PAXIP1: variants seen among roughly 807,000 people sequenced by gnomAD.
PAXIP1 encodes the protein PAX interacting protein 1, also known as PAX-interacting protein 1.
PAXIP1 carries 19 observed loss-of-function variants against 140.6 expected under a neutral mutation model. The observed-to-expected ratio is 0.14, with a 90% CI of 0.09 to 0.20. PAXIP1 has a LOEUF of 0.20. PAXIP1 is among the 10% of genes least tolerant of loss of function. The pLI is 1.00. For synonymous variants in PAXIP1, 442 were observed against 444.6 expected, an observed-to-expected ratio of 0.99 and a Z score of 0.07; for missense variants, 920 against 1,208.6, an observed-to-expected ratio of 0.76 and a Z score of 3.54.
chr7:154,996,704 T>C (rs1259300304), intron 2 of PAXIP1, among the ~76,000 whole-genome samples: 7 of 152,208 alleles, frequency 4.6e-5, no homozygotes, highest in Non-Finnish European at 7.3e-5. Context: ...TTGAAATATA[T>C]ATTTATTATT....
chr7:154,954,192 G>A lies in PAXIP1; in HGVS notation c.2821+63C>T. 9.1e-7 allele frequency: 1 copy of A among 1,100,282 alleles called. No homozygotes were observed. Among genetic ancestry groups the A allele is most frequent in the Non-Finnish European group, 1.2e-6 (1 of 812,536 alleles). 68.2% of individuals were successfully genotyped at this position (1,100,282 alleles called of 1,614,324 possible). ...AATATTTGTTGGGATGAAAAGAGAT[G>A]AATTCAAGAAAAAAAAAAGTTTATT... On this transcript the variant is annotated intron_variant, in intron 16 of 20. Transcript: ENST00000404141. The surrounding 1 kb of genome is among the most constrained non-coding windows in gnomAD (Gnocchi z 5.1).
rs1289113840 is a variant in PAXIP1 at position 154,986,537 on chromosome 7, G to A, written c.325-3205C>T. The stretch of plus-strand genomic sequence containing the variant: ...CAAAGGAAGTACCCATCAAGGATTT[G>A]TTGGACCAAAGTCCCTTAGCTGCAC... On this transcript the variant is annotated intron_variant, in intron 4 of 20. Transcript: ENST00000404141. The surrounding 1 kb of genome is among the most constrained non-coding windows in gnomAD (Gnocchi z 4.8). Among the ~76,000 whole-genome samples the A allele has an allele frequency of 1.3e-5, 2 of 152,168 alleles. No individual in the cohort carries two copies. Among genetic ancestry groups the A allele is most frequent in the Non-Finnish European group, 2.9e-5 (2 of 68,024 alleles).
In PAXIP1 at chr7:154,968,954, A is replaced by G; in HGVS notation, c.1247T>C (p.Val416Ala). 2 of 1,509,232 alleles carry G rather than the reference A, an allele frequency of 1.3e-6. No homozygotes were observed. Among genetic ancestry groups the G allele is most frequent in the African/African-American group, 2.9e-5 (2 of 68,924 alleles). 93.5% of individuals were successfully genotyped at this position (1,509,232 alleles called of 1,614,324 possible). A position where few individuals can be genotyped will look rare whatever the true frequency, so the allele number is the denominator to read the frequency against. ...TATCTGCTGGGGCTGAAGGTGTAAA[A>G]CCGGGTGCTGCTGCTGCTGCTGCTG... ...QAQQQQQQHP[V>A]LHLQPQQIMQ... Residue 416 changes from valine to alanine, a missense_variant, in exon 7 of 21, where the codon GTT becomes GCT. By Grantham distance (64) the Val-to-Ala change is moderately conservative. Coordinates refer to ENST00000404141, the MANE Select transcript of PAXIP1 (RefSeq NM_007349.4).
chr7:154,955,848 G>T (rs1292610300), intron 14 of PAXIP1, among the ~76,000 whole-genome samples: 1 of 152,104 alleles, frequency 6.6e-6, no homozygotes, highest in East Asian at 1.9e-4. Context: ...AGCCTCCAAG[G>T]GAGGCATCCA....
intron 4 of PAXIP1, among the ~76,000 whole-genome samples, chr7:154,990,270 A>G (rs1451495354): frequency 6.6e-6 from 1 of 151,992 alleles, no homozygotes; most frequent in East Asian, 1.9e-4. Flanking sequence ...CAAACCCCTG[A>G]CCTCAGGTGA....
intron 1 of PAXIP1, chr7:155,000,418 A>C (rs774391484): frequency 6.6e-6 from 1 of 152,058 alleles, no homozygotes; most frequent in Non-Finnish European, 1.5e-5. Context: ...TCCCTTCTTC[A>C]TGAGTTTCCC....
chr7:154,980,289 G>A (rs1398515086), intron 5 of PAXIP1, among the ~76,000 whole-genome samples: 5 of 151,374 alleles, frequency 3.3e-5, no homozygotes, highest in Non-Finnish European at 5.9e-5. Flanking sequence ...TGTCACTAAT[G>A]GCAATGATCA....
intron 5 of PAXIP1, among the ~76,000 whole-genome samples, chr7:154,981,541 TAGATA>T (rs1809843802): frequency 6.6e-6 from 1 of 152,214 alleles, no homozygotes; most frequent in Admixed American, 6.5e-5. Context: ...ACCATTGACT[TAGATA>T]AGATAATCTC....
At position 154,963,824 on chromosome 7, in the gene PAXIP1, C is replaced by A; in HGVS notation, c.1894-58G>T. On this transcript the variant is annotated intron_variant, in intron 8 of 20. Coordinates refer to ENST00000404141, the MANE Select transcript of PAXIP1 (RefSeq NM_007349.4). This position sits in a 1 kb window ranked among gnomAD's most constrained non-coding sequence, Gnocchi z 4.1. ...AATCACTCAGAATAGAGGAGAATTC[C>A]AATTTCAAATAAGGCAGCTATTAAA... 2 of 1,164,974 alleles carry A rather than the reference C, an allele frequency of 1.7e-6. No individual in the cohort carries two copies. The highest frequency in any genetic ancestry group is 2.5e-6 in the Non-Finnish European group (2 of 785,140). 72.2% of individuals were successfully genotyped at this position (1,164,974 alleles called of 1,614,324 possible).
chr7:154,977,752 T>C (rs73728524), intron 5 of PAXIP1, among the ~76,000 whole-genome samples: 4,294 of 151,994 alleles, frequency 0.028, 205 homozygotes, highest in African/African-American at 0.097. Flanking sequence ...TAAATATATA[T>C]GTACATATAT....
At chr7:154,957,424 T>G (rs1808564188) in intron 13 of PAXIP1, 130 bp from the exon 14 acceptor site, 2 of 496,204 alleles carry the variant, frequency 4.0e-6, no homozygotes, top group Non-Finnish European at 7.0e-6. Flanking sequence ...CTTCACCACA[T>G]CAGAACTAGT....
chr7:154,969,496 A>T (rs1809198356), intron 6 of PAXIP1, among the ~76,000 whole-genome samples: 1 of 152,074 alleles, frequency 6.6e-6, no homozygotes, highest in Admixed American at 6.5e-5. Context: ...CTGCGGCACC[A>T]CTCCACTGCC....
intron 16 of PAXIP1, chr7:154,948,282 A>G: frequency 2.9e-6 from 1 of 348,878 alleles, no homozygotes; most frequent in South Asian, 3.6e-5. Flanking sequence ...GTGGTGGTTC[A>G]TGCCTGTAAT....
At chr7:154,989,613 T>C (rs1305274680) in intron 4 of PAXIP1, among the ~76,000 whole-genome samples, 1 of 152,188 alleles carries the variant, frequency 6.6e-6, no homozygotes, top group African/African-American at 2.4e-5. Flanking sequence ...ACAATAACAA[T>C]TTGATTTTTT....
rs1428576143 is a variant in PAXIP1, at chr7:154,968,767, T to C, written c.1434A>G (p.Pro478=). Residue 478 remains proline (P), a synonymous_variant, in exon 7 of 21, where the codon CCA becomes CCG. Transcript: ENST00000404141. ...LQFPQQQLHP[P]QQLHRPQQQL... is the part of the protein sequence containing the mutation. ...GCTGCTGAGGGCGATGCAGCTGCTG[T>C]GGAGGATGCAACTGTTGCTGTGGAA... 2.8e-6 allele frequency: 2 copies of C among 719,270 alleles called. No individual in the cohort carries two copies. Among genetic ancestry groups the C allele is most frequent in the Non-Finnish European group, 2.6e-6 (1 of 386,100 alleles). 44.6% of individuals were successfully genotyped at this position (719,270 alleles called of 1,614,324 possible).
At chr7:154,950,930 A>G (rs1159888241) in intron 16 of PAXIP1, 1 of 152,318 alleles carries the variant, frequency 6.6e-6, no homozygotes, top group Non-Finnish European at 1.5e-5. Context: ...GGGCAAGACT[A>G]TAGAAAGAAT....
rs76815902 is a variant in PAXIP1, at chr7:154,977,322, A to G, written c.439-991T>C. Reference sequence around the variant, plus strand: ...CTGTGCTCCTAAAAGCTTAACACATAACAGCAATTCTCTAGCAAACACATA... The same window carrying G: ...CTGTGCTCCTAAAAGCTTAACACATGACAGCAATTCTCTAGCAAACACATA... On this transcript the variant is annotated intron_variant, in intron 5 of 20. Transcript: ENST00000404141. Among the ~76,000 whole-genome samples the G allele has an allele frequency of 7.7e-3, 1,170 of 152,366 alleles. 20 individuals are homozygous for G. The highest frequency in any genetic ancestry group is 0.026 in the African/African-American group (1,095 of 41,584).
At chr7:154,977,226 T>A (rs1342858831) in intron 5 of PAXIP1, among the ~76,000 whole-genome samples, 1 of 151,946 alleles carries the variant, frequency 6.6e-6, no homozygotes, top group Non-Finnish European at 1.5e-5. Flanking sequence ...AAAGAGGAAA[T>A]AAATAAAAAA....
intron 12 of PAXIP1, among the ~76,000 whole-genome samples, chr7:154,960,190 CGTT>C (rs930592397): frequency 3.3e-5 from 5 of 152,286 alleles, no homozygotes; most frequent in East Asian, 1.9e-4. Flanking sequence ...ACAAAGCAAA[CGTT>C]GTGTCGAAAC....
Sources: gnomAD v4.1 joint callset for allele counts (sites outside exome capture counted in the v4.1 genomes callset) on GRCh38, gnomAD v4.1.1 for gene constraint, Gnocchi (gnomAD v3.1) non-coding constraint, MANE v1.5 for transcripts, NCBI Gene and HGNC (gene_info 2026-07-23, HGNC 2026-07-21) for gene names.